The following DSCAM variants were observed in gnomAD, a reference collection of about 807,000 sequenced individuals.
The protein encoded by DSCAM is DS cell adhesion molecule, also known as cell adhesion molecule DSCAM.
Under a neutral mutation model 217.7 loss-of-function variants are expected in DSCAM, and 47 were observed. That is an observed-to-expected ratio of 0.22 (90% CI 0.17 to 0.28). DSCAM has a LOEUF of 0.28. Among genes scored for constraint, DSCAM ranks in the 10% least tolerant of loss-of-function variants. DSCAM has a pLI of 1.00. For synonymous variants in DSCAM, 1,056 were observed against 1,015.3 expected (o/e 1.04, Z -0.76); for missense variants, 2,080 against 2,618.3 (o/e 0.79, Z 4.49).
chr21:40,766,833 G>A (rs2091397009), intron 1 of DSCAM, among the ~76,000 whole-genome samples: 1 of 151,794 alleles, frequency 6.6e-6, no homozygotes, highest in Non-Finnish European at 1.5e-5. Flanking sequence ...GGAATTACAG[G>A]TGCATGCCAC....
At chr21:40,693,710 C>A (rs1346926848) in intron 2 of DSCAM, among the ~76,000 whole-genome samples, 2 of 152,084 alleles carry the variant, frequency 1.3e-5, no homozygotes, top group Non-Finnish European at 2.9e-5. Context: ...ATGACAGTTG[C>A]AAAGCAGTTT....
intron 14 of DSCAM, among the ~76,000 whole-genome samples, chr21:40,181,219 T>C (rs1418875063): frequency 1.7e-5 from 1 of 60,008 alleles, no homozygotes; most frequent in African/African-American, 7.6e-5. Context: ...TTCTTCCTAG[T>C]TATATTTATA....
intron 11 of DSCAM, among the ~76,000 whole-genome samples, chr21:40,233,981 C>T (rs2091404294): frequency 6.6e-6 from 1 of 152,180 alleles, no homozygotes. Flanking sequence ...TTCAGCCAGT[C>T]TGTGCAAATC....
At chr21:40,813,179 C>A (rs921977553) in intron 1 of DSCAM, among the ~76,000 whole-genome samples, 1 of 152,136 alleles carries the variant, frequency 6.6e-6, no homozygotes, top group Non-Finnish European at 1.5e-5. Context: ...TGATTGATAA[C>A]GGCACAAATG....
At chr21:40,208,289 C>T (rs2091147013) in intron 11 of DSCAM, among the ~76,000 whole-genome samples, 1 of 152,066 alleles carries the variant, frequency 6.6e-6, no homozygotes, top group Admixed American at 6.6e-5. Context: ...CTGATCTCTA[C>T]TAAAAATGCA....
chr21:40,638,803 C>T (rs933083807), intron 3 of DSCAM, among the ~76,000 whole-genome samples: 1 of 152,146 alleles, frequency 6.6e-6, no homozygotes, highest in African/African-American at 2.4e-5. Flanking sequence ...ACATTTATTT[C>T]ATTTTTACTG....
chr21:40,685,685 G>A (rs908089089), intron 3 of DSCAM, among the ~76,000 whole-genome samples: 1 of 152,148 alleles, frequency 6.6e-6, no homozygotes, highest in African/African-American at 2.4e-5. Context: ...CCTGTATTAA[G>A]TCACAGCCAT....
At chr21:40,110,618 G>C (rs762246592) in intron 20 of DSCAM, among the ~76,000 whole-genome samples, 5 of 152,066 alleles carry the variant, frequency 3.3e-5, no homozygotes, top group Non-Finnish European at 1.5e-5. Context: ...AAACGACTCA[G>C]AGCTAAAGGA....
chr21:40,429,600 C>T (rs1417090338), intron 3 of DSCAM, among the ~76,000 whole-genome samples: 1 of 152,158 alleles, frequency 6.6e-6, no homozygotes, highest in African/African-American at 2.4e-5. Flanking sequence ...ACTGTGGACC[C>T]AGATAGCCTG....
At chr21:40,287,092 C>T (rs541494599) in intron 10 of DSCAM, among the ~76,000 whole-genome samples, 25 of 151,810 alleles carry the variant, frequency 1.6e-4, no homozygotes, top group African/African-American at 5.3e-4. Flanking sequence ...ATGTCATCCA[C>T]GGTATGATCC....
intron 3 of DSCAM, among the ~76,000 whole-genome samples, chr21:40,569,285 G>T (rs971431851): frequency 1.3e-5 from 2 of 152,176 alleles, no homozygotes; most frequent in African/African-American, 4.8e-5. Flanking sequence ...TGTATCAACT[G>T]GGTCAGGCTA....
At chr21:40,201,498 G>A (rs932597677) in intron 11 of DSCAM, among the ~76,000 whole-genome samples, 23 of 152,080 alleles carry the variant, frequency 1.5e-4, no homozygotes, top group Non-Finnish European at 2.2e-4. Context: ...CTGGAGTGCA[G>A]TGGCATGATC....
intron 3 of DSCAM, among the ~76,000 whole-genome samples, chr21:40,527,462 C>T (rs182929256): frequency 1.3e-5 from 2 of 152,276 alleles, no homozygotes; most frequent in Admixed American, 1.3e-4. Context: ...TCTAGGGTTG[C>T]CTGCTGGACA....
intron 3 of DSCAM, among the ~76,000 whole-genome samples, chr21:40,546,354 C>T (rs1218491420): frequency 1.3e-5 from 2 of 152,210 alleles, no homozygotes; most frequent in Admixed American, 1.3e-4. Flanking sequence ...TCTGCCAGGG[C>T]CTCAGGCAGA....
chr21:40,160,582 T>C (rs1027251301), intron 16 of DSCAM, among the ~76,000 whole-genome samples: 1 of 152,218 alleles, frequency 6.6e-6, no homozygotes, highest in African/African-American at 2.4e-5. Flanking sequence ...ATTTTTGACC[T>C]AGTGTCACAA....
intron 3 of DSCAM, among the ~76,000 whole-genome samples, chr21:40,442,937 T>C (rs148385244): frequency 2.6e-5 from 4 of 152,328 alleles, no homozygotes; most frequent in African/African-American, 9.6e-5. Context: ...TGTATGCATG[T>C]GTGGATGGAC....
At chr21:40,074,964 C>T (rs1395591183) in intron 27 of DSCAM, 73 bp downstream of exon 27, 9 of 1,513,202 alleles carry the variant, frequency 5.9e-6, no homozygotes, top group East Asian at 2.3e-5. Context: ...GTTTGTTCTC[C>T]AGCTGGCATC....
At position 40,013,099 on chromosome 21, in the gene DSCAM, G is replaced by C. The variant is rs1169580764; in HGVS notation, c.5974C>G (p.Leu1992Val). 1 of 1,597,500 alleles carries C rather than the reference G, an allele frequency of 6.3e-7. No individual in the cohort carries two copies. Among genetic ancestry groups the C allele is most frequent in the Non-Finnish European group, 8.5e-7 (1 of 1,169,948 alleles). ...TTCAAATGGCCCCGGGAGTCGAGCA[G>C]TGATTCTTGGGAGCTGCTCATTTTA... is the stretch of plus-strand genomic sequence containing the variant. The part of the protein sequence containing the change: ...AAKMSSSQES[L>V]LDSRGHLKGN... Residue 1992 changes from leucine to valine, a missense_variant, in exon 33 of 33, where the codon CTG becomes GTG. By Grantham distance (32) the Leu-to-Val change is conservative. This residue lies in a region of DSCAM where 145 missense variants were observed against 138.5 expected (regional missense o/e 1.05). Transcript: ENST00000400454.
chr21:40,175,636 A>C (rs945878611), intron 15 of DSCAM, among the ~76,000 whole-genome samples: 1 of 152,054 alleles, frequency 6.6e-6, no homozygotes. Context: ...TCACTTCCTA[A>C]AGGCCCCACT....
Sources: gnomAD v4.1 joint callset for allele counts (sites outside exome capture counted in the v4.1 genomes callset) on GRCh38, gnomAD v4.1.1 for gene constraint, gnomAD v4.1.1 regional missense constraint, MANE v1.5 for transcripts, NCBI Gene and HGNC (gene_info 2026-07-23, HGNC 2026-07-21) for gene names.